CCSER1: variants seen among roughly 807,000 people sequenced by gnomAD.
The protein encoded by CCSER1 is serine-rich coiled-coil domain-containing protein 1.
Under a neutral mutation model 82.0 loss-of-function variants are expected in CCSER1, and 41 were observed. That is an observed-to-expected ratio of 0.50 (90% CI 0.39 to 0.65). The LOEUF is 0.65. Ranked by LOEUF, CCSER1 falls within the 30% of genes least tolerant of loss-of-function variation. The pLI is 0.00. For synonymous variants in CCSER1, 414 were observed against 383.9 expected, an observed-to-expected ratio of 1.08 and a Z score of -0.92; for missense variants, 1,119 against 1,064.2, an observed-to-expected ratio of 1.05 and a Z score of -0.72.
chr4:91,135,917 T>A (rs922364152), intron 10 of CCSER1, among the ~76,000 whole-genome samples: 1 of 152,292 alleles, frequency 6.6e-6, no homozygotes, highest in African/African-American at 2.4e-5. Context: ...TAAACCTGAA[T>A]CATATATGCA....
Position 90,443,369 on chromosome 4 carries a change from T to G in CCSER1, c.1604-24865T>G, listed in dbSNP as rs78554700. ...AGCACTGAGATACTACCACAGTCAGTTAGGTAACTAAGATGTTTACTAAGT... is the reference window on the plus strand; with the variant it reads ...AGCACTGAGATACTACCACAGTCAGGTAGGTAACTAAGATGTTTACTAAGT... On this transcript the variant is annotated intron_variant, in intron 4 of 10. Coordinates refer to ENST00000509176, the MANE Select transcript of CCSER1 (RefSeq NM_001145065.2). Among the ~76,000 whole-genome samples, 856 of 152,140 alleles carry G rather than the reference T, an allele frequency of 5.6e-3. 39 individuals are homozygous for G. The East Asian group carries it at 0.11, about 19-fold the overall frequency.
rs565885284 is a variant in CCSER1, at chr4:90,614,454, C to G, written c.1725-13571C>G. 3.3e-5 allele frequency among the ~76,000 whole-genome samples: 5 copies of G among 152,252 alleles called. No homozygotes were observed. The South Asian group carries it at 8.3e-4, about 25-fold the overall frequency. On this transcript the variant is annotated intron_variant, in intron 5 of 10. Coordinates refer to ENST00000509176, the MANE Select transcript of CCSER1 (RefSeq NM_001145065.2). ...AAGCTAGGCATCTTTTGACAAACAG[C>G]CACGTTGTGGATGCAAAGGAAAAGT...
At chr4:91,175,699 A>G (rs1427445040) in intron 10 of CCSER1, among the ~76,000 whole-genome samples, 4 of 152,048 alleles carry the variant, frequency 2.6e-5, no homozygotes, top group Non-Finnish European at 4.4e-5. Flanking sequence ...AATTTGCTTA[A>G]GTTCTTTGTA....
At chr4:91,344,842 C>A (rs942176096) in intron 10 of CCSER1, among the ~76,000 whole-genome samples, 3 of 151,764 alleles carry the variant, frequency 2.0e-5, no homozygotes. Flanking sequence ...TTACAGTACT[C>A]AAAATAAATG....
chr4:90,915,377 C>T lies in CCSER1; in HGVS notation c.2095-7993C>T, dbSNP rs112309715. On this transcript the variant is annotated intron_variant, in intron 8 of 10. Coordinates refer to ENST00000509176, the MANE Select transcript of CCSER1 (RefSeq NM_001145065.2). Reference sequence around the variant, plus strand: ...GGTTCAGCATACGCAAACCAATAAACGTAACCCAGCATATAAACAGAACCA... The same window carrying T: ...GGTTCAGCATACGCAAACCAATAAATGTAACCCAGCATATAAACAGAACCA... 6.6e-5 allele frequency among the ~76,000 whole-genome samples: 10 copies of T among 152,098 alleles called. No homozygotes were observed. In the South Asian group the frequency reaches 8.3e-4, roughly 13 times the overall value.
chr4:91,458,008 A>G (rs754905915), intron 10 of CCSER1, among the ~76,000 whole-genome samples: 1 of 152,150 alleles, frequency 6.6e-6, no homozygotes, highest in Non-Finnish European at 1.5e-5. Context: ...ATAGTTATGT[A>G]TATTCTAGAA....
chr4:90,936,150 G>A (rs1730904355), intron 9 of CCSER1, among the ~76,000 whole-genome samples: 1 of 134,840 alleles, frequency 7.4e-6, no homozygotes, highest in South Asian at 2.2e-4. Context: ...GGAAAATTTT[G>A]TGGAAACAGA....
intron 5 of CCSER1, among the ~76,000 whole-genome samples, chr4:90,528,702 G>A (rs1774096441): frequency 6.6e-6 from 1 of 152,072 alleles, no homozygotes; most frequent in African/African-American, 2.4e-5. Flanking sequence ...TTTTTTTCTA[G>A]TCACTGGAGA....
chr4:91,156,621 G>A (rs1033962870), intron 10 of CCSER1, among the ~76,000 whole-genome samples: 1 of 151,548 alleles, frequency 6.6e-6, no homozygotes, highest in Non-Finnish European at 1.5e-5. Context: ...AAAATTTTGA[G>A]CAATGATGAG....
intron 10 of CCSER1, among the ~76,000 whole-genome samples, chr4:91,275,854 T>C (rs1328812979): frequency 1.3e-5 from 2 of 152,144 alleles, no homozygotes; most frequent in East Asian, 3.9e-4. Flanking sequence ...AGAGATACGG[T>C]TTCAGTTTCA....
chr4:90,239,334 C>T (rs1002653373), intron 1 of CCSER1, among the ~76,000 whole-genome samples: 5 of 152,172 alleles, frequency 3.3e-5, no homozygotes, highest in Non-Finnish European at 5.9e-5. Flanking sequence ...GAGACATATA[C>T]TGCACTTTAT....
intron 4 of CCSER1, among the ~76,000 whole-genome samples, chr4:90,448,768 G>A (rs189945955): frequency 4.6e-5 from 7 of 152,060 alleles, no homozygotes; most frequent in East Asian, 1.9e-4. Context: ...GAGAGAAAGC[G>A]AGAAGGGCTG....
intron 10 of CCSER1, among the ~76,000 whole-genome samples, chr4:91,318,861 C>T (rs1274584116): frequency 3.9e-5 from 6 of 151,938 alleles, no homozygotes; most frequent in African/African-American, 1.4e-4. Context: ...GCCTTTTTAA[C>T]GTTCTGATTG....
At chr4:91,174,577 G>A (rs1415976072) in intron 10 of CCSER1, among the ~76,000 whole-genome samples, 1 of 152,024 alleles carries the variant, frequency 6.6e-6, no homozygotes, top group African/African-American at 2.4e-5. Flanking sequence ...AGCCCCACAT[G>A]CATTAGGTAT....
intron 9 of CCSER1, among the ~76,000 whole-genome samples, chr4:91,014,228 C>T (rs1739238880): frequency 7.4e-6 from 1 of 134,270 alleles, no homozygotes; most frequent in Non-Finnish European, 1.7e-5. Flanking sequence ...TCTCTCTCAA[C>T]ACTCAGAAAT....
intron 3 of CCSER1, among the ~76,000 whole-genome samples, chr4:90,389,175 C>T (rs1750573838): frequency 6.6e-6 from 1 of 152,092 alleles, no homozygotes; most frequent in Admixed American, 6.5e-5. Flanking sequence ...TGGCTAACTC[C>T]AGCATATGAT....
chr4:91,003,291 A>G (rs1561462254), intron 9 of CCSER1, among the ~76,000 whole-genome samples: 1 of 152,054 alleles, frequency 6.6e-6, no homozygotes, highest in Non-Finnish European at 1.5e-5. Context: ...AACTCCCAAG[A>G]GTATATGCCC....
chr4:90,972,906 G>A (rs1293503583), intron 9 of CCSER1, among the ~76,000 whole-genome samples: 7 of 151,708 alleles, frequency 4.6e-5, no homozygotes, highest in East Asian at 1.9e-4. Flanking sequence ...CATACAATGG[G>A]GGGACGAAGG....
At chr4:91,466,348 G>C (rs928009012) in intron 10 of CCSER1, among the ~76,000 whole-genome samples, 1 of 152,032 alleles carries the variant, frequency 6.6e-6, no homozygotes, top group Non-Finnish European at 1.5e-5. Flanking sequence ...TTGATGGGAC[G>C]TAACTCAAAA....
Sources: allele counts gnomAD v4.1 joint callset (sites outside exome capture counted in the v4.1 genomes callset), GRCh38; gene constraint gnomAD v4.1.1; transcripts MANE v1.5; gene names NCBI Gene and HGNC (gene_info 2026-07-23, HGNC 2026-07-21).